RAD54B: variants seen among roughly 807,000 people sequenced by gnomAD.
The protein encoded by RAD54B is RAD54 homolog B, also known as DNA repair and recombination protein RAD54B.
A neutral mutation model predicts 95.8 loss-of-function variants in RAD54B; 78 were observed. The ratio of observed to expected loss-of-function variants is 0.81; its 90% CI spans 0.68 to 0.98. RAD54B has a LOEUF of 0.98. Among genes scored for constraint, RAD54B ranks in the 50% least tolerant of loss-of-function variants. The probability of loss-of-function intolerance (pLI) is 0.00; values close to 1 mark genes in which losing one functional copy is unlikely to be tolerated. For missense variants in RAD54B, 957 were observed against 1,056.6 expected, an observed-to-expected ratio of 0.91 and a Z score of 1.31; for synonymous variants, 328 against 354.9, an observed-to-expected ratio of 0.92 and a Z score of 0.85.
At position 94,391,786 on chromosome 8, in the gene RAD54B, C is replaced by T. The variant is rs1332951231; in HGVS notation, c.1632G>A (p.Glu544=). The T allele has an allele frequency of 6.2e-6, 10 of 1,613,926 alleles. No homozygotes were observed. The highest frequency in any genetic ancestry group is 1.7e-5 in the Admixed American group (1 of 59,976). ...IINKYLPPKI[E]NVVFCRPGAL... is the part of the protein sequence containing the mutation. Reference sequence around the variant, plus strand: ...CTCCTGGTCGGCAAAAGACAACATTCTCTATTTTAGGTGGGAGATATTTAT... The same window carrying T: ...CTCCTGGTCGGCAAAAGACAACATTTTCTATTTTAGGTGGGAGATATTTAT... Residue 544 remains glutamate, a synonymous_variant, in exon 10 of 15, where the codon GAG becomes GAA. Transcript: ENST00000336148.
chr8:94,472,086 G>A (rs559103968), intron 1 of RAD54B, among the ~76,000 whole-genome samples: 345 of 152,170 alleles, frequency 2.3e-3, no homozygotes, highest in Non-Finnish European at 3.7e-3. Context: ...TGAGGAATGA[G>A]TAGGAGAGAT....
chr8:94,416,234 G>A (rs1811662327), intron 3 of RAD54B, among the ~76,000 whole-genome samples: 1 of 151,334 alleles, frequency 6.6e-6, no homozygotes, highest in Admixed American at 6.6e-5. Context: ...GATGAAATTG[G>A]AAATCATCAT....
chr8:94,417,870 C>T (rs1449913674), intron 3 of RAD54B, among the ~76,000 whole-genome samples: 1 of 152,188 alleles, frequency 6.6e-6, no homozygotes, highest in Non-Finnish European at 1.5e-5. Context: ...ATACTCAGAA[C>T]CACCAAAGTT....
intron 11 of RAD54B, 53 bp downstream of exon 11, chr8:94,386,931 T>C (rs1177095157): frequency 1.6e-6 from 2 of 1,264,740 alleles, no homozygotes; most frequent in East Asian, 5.4e-5. Context: ...AGTAAAGAAA[T>C]AGTGCAAACT....
chr8:94,424,643 C>A (rs1332961461), intron 3 of RAD54B, among the ~76,000 whole-genome samples: 1 of 152,124 alleles, frequency 6.6e-6, no homozygotes, highest in African/African-American at 2.4e-5. Flanking sequence ...CTAACAATCC[C>A]AGTCTATAAT....
chr8:94,413,610 A>G (rs1001526031), intron 3 of RAD54B, among the ~76,000 whole-genome samples: 2 of 152,226 alleles, frequency 1.3e-5, no homozygotes, highest in Non-Finnish European at 2.9e-5. Flanking sequence ...TAGAAAACAC[A>G]GGATAAAATA....
intron 3 of RAD54B, among the ~76,000 whole-genome samples, chr8:94,424,896 T>C (rs540060764): frequency 6.6e-6 from 1 of 151,980 alleles, no homozygotes; most frequent in Non-Finnish European, 1.5e-5. Flanking sequence ...ACTCTGTCTC[T>C]ATAAAAAATA....
chr8:94,452,624 A>G (rs1436190515), intron 3 of RAD54B, among the ~76,000 whole-genome samples: 2 of 152,000 alleles, frequency 1.3e-5, no homozygotes, highest in African/African-American at 4.8e-5. Context: ...CAGCCTCCAG[A>G]GTAGCTGGGA....
intron 3 of RAD54B, chr8:94,431,202 A>G (rs1233133002): frequency 1.1e-6 from 1 of 931,028 alleles, no homozygotes; most frequent in African/African-American, 1.8e-5. Flanking sequence ...TATAAAATAC[A>G]TAAAATTTTA....
chr8:94,391,989 T>A, intron 9 of RAD54B, 90 bp from the exon 10 acceptor site: 2 of 1,221,166 alleles, frequency 1.6e-6, no homozygotes, highest in Admixed American at 4.7e-5. Context: ...ATAAACCATT[T>A]ACTCATTGCT....
At chr8:94,432,126 A>C (rs1812114086) in intron 3 of RAD54B, 3 of 1,509,694 alleles carry the variant, frequency 2.0e-6, no homozygotes, top group Non-Finnish European at 2.7e-6. Context: ...GATTGAAAAA[A>C]AAACTTAGAG....
intron 14 of RAD54B, among the ~76,000 whole-genome samples, chr8:94,377,526 A>G (rs1810612028): frequency 7.4e-6 from 1 of 135,578 alleles, no homozygotes; most frequent in South Asian, 2.7e-4. Context: ...ACAGAGCAAC[A>G]GAGCCAGACC....
chr8:94,442,361 C>G (rs1409087756), intron 3 of RAD54B, among the ~76,000 whole-genome samples: 1 of 114,610 alleles, frequency 8.7e-6, no homozygotes, highest in Non-Finnish European at 1.8e-5. Flanking sequence ...ATCACAAGGT[C>G]AGGAATCAAG....
At chr8:94,391,313 G>T (rs1811011775) in intron 10 of RAD54B, among the ~76,000 whole-genome samples, 1 of 151,374 alleles carries the variant, frequency 6.6e-6, no homozygotes, top group Non-Finnish European at 1.5e-5. Flanking sequence ...ACATAAAATA[G>T]GAAGGGAGAC....
chr8:94,378,781 G>T, intron 12 of RAD54B, 147 bp from the exon 13 acceptor site: 2 of 601,426 alleles, frequency 3.3e-6, no homozygotes, highest in South Asian at 2.2e-5. Flanking sequence ...TGTGAAGCAT[G>T]CCCTACTTCA....
At position 94,399,554 on chromosome 8, in the gene RAD54B, A is replaced by T; in HGVS notation, c.1238T>A (p.Leu413Ter). ...CTTAATTTGATCCAGGGAACGAAGT[A>T]ACATTTCATAACTGATAATAAGAAC... is the stretch of plus-strand genomic sequence containing the variant. The part of the protein sequence containing the change: ...YSVLIISYEM[L>*]LRSLDQIKNI... The change falls in exon 8 of 15, where the codon TTA becomes TAA. Residue 413 changes from leucine (L) to a stop codon, truncating the protein, a stop_gained. Coordinates refer to ENST00000336148, the MANE Select transcript of RAD54B (RefSeq NM_012415.3). LOFTEE classifies it high-confidence loss of function. The T allele has an allele frequency of 1.2e-6, 2 of 1,612,984 alleles. No homozygotes were observed.
chr8:94,469,252 T>C (rs1264814032), intron 1 of RAD54B, among the ~76,000 whole-genome samples: 1 of 152,140 alleles, frequency 6.6e-6, no homozygotes, highest in Non-Finnish European at 1.5e-5. Context: ...TCACCTTGAA[T>C]TGTAATAATC....
chr8:94,460,516 T>G (rs565926546), intron 2 of RAD54B, among the ~76,000 whole-genome samples: 1 of 152,348 alleles, frequency 6.6e-6, no homozygotes, highest in African/African-American at 2.4e-5. Flanking sequence ...TTTCAATTGT[T>G]GAAGTTAGGT....
chr8:94,466,448 C>T (rs1813026818), intron 2 of RAD54B, among the ~76,000 whole-genome samples: 1 of 151,702 alleles, frequency 6.6e-6, no homozygotes, highest in Admixed American at 6.6e-5. Context: ...TGCTCTGTCA[C>T]CCAGGCTGGA....
Sources: gnomAD v4.1 joint callset for allele counts (sites outside exome capture counted in the v4.1 genomes callset) on GRCh38, gnomAD v4.1.1 for gene constraint, MANE v1.5 for transcripts, NCBI Gene and HGNC (gene_info 2026-07-23, HGNC 2026-07-21) for gene names.